Variants in ASIC2 observed in about 807,000 individuals in gnomAD.
The protein encoded by ASIC2 is acid sensing ion channel subunit 2.
Under a neutral mutation model 57.3 loss-of-function variants are expected in ASIC2, and 25 were observed. The ratio of observed to expected loss-of-function variants is 0.44; its 90% CI spans 0.32 to 0.61. ASIC2 has a LOEUF of 0.61. Ranked by LOEUF, ASIC2 falls within the 20% of genes least tolerant of loss-of-function variation. The pLI is 0.06. For missense variants in ASIC2, 641 were observed against 738.1 expected (o/e 0.87, Z 1.52); for synonymous variants, 319 against 307.5 (o/e 1.04, Z -0.39).
At chr17:33,822,932 G>A (rs317380) in intron 1 of ASIC2, among the ~76,000 whole-genome samples, 151,414 of 152,338 alleles carry the variant, frequency 0.99, 75,250 homozygotes, top group Middle Eastern at 1. Flanking sequence ...TAAGCATGAA[G>A]TAATGGCCAC....
At chr17:33,035,767 G>A (rs549115374) in intron 3 of ASIC2, among the ~76,000 whole-genome samples, 76 of 152,268 alleles carry the variant, frequency 5.0e-4, no homozygotes, top group African/African-American at 1.7e-3. Context: ...ATCCCCCTGG[G>A]CTTTTTAGAC....
chr17:33,696,033 G>A (rs1350555371), intron 1 of ASIC2, among the ~76,000 whole-genome samples: 1 of 152,154 alleles, frequency 6.6e-6, no homozygotes, highest in East Asian at 1.9e-4. Flanking sequence ...TATGAGTACA[G>A]CAGAATTTAT....
chr17:33,820,832 A>G (rs1912722350), intron 1 of ASIC2, among the ~76,000 whole-genome samples: 1 of 152,186 alleles, frequency 6.6e-6, no homozygotes, highest in African/African-American at 2.4e-5. Flanking sequence ...GCGTGTCATC[A>G]TGCCCGGCTC....
chr17:33,305,377 A>G (rs1183014740), intron 1 of ASIC2, among the ~76,000 whole-genome samples: 1 of 151,908 alleles, frequency 6.6e-6, no homozygotes, highest in East Asian at 1.9e-4. Flanking sequence ...GAGCCTACTT[A>G]CTCTTACTTT....
intron 1 of ASIC2, among the ~76,000 whole-genome samples, chr17:33,680,145 C>A (rs1041552213): frequency 1.1e-4 from 17 of 152,074 alleles, no homozygotes; most frequent in Admixed American, 5.9e-4. Flanking sequence ...ATGCAGGAGG[C>A]TTAAAGATTG....
intron 1 of ASIC2, among the ~76,000 whole-genome samples, chr17:34,068,636 G>A (rs894622950): frequency 6.6e-6 from 1 of 152,206 alleles, no homozygotes; most frequent in Admixed American, 6.5e-5. Flanking sequence ...CTGTCACTCA[G>A]CACTGAGGCC....
At chr17:33,436,268 G>C (rs1358412164) in intron 1 of ASIC2, among the ~76,000 whole-genome samples, 1 of 152,218 alleles carries the variant, frequency 6.6e-6, no homozygotes, top group Non-Finnish European at 1.5e-5. Flanking sequence ...ACAGGCTTAG[G>C]ATTCTGAATT....
intron 1 of ASIC2, among the ~76,000 whole-genome samples, chr17:33,491,919 C>T (rs79596800): frequency 0.016 from 2,500 of 152,272 alleles, 34 homozygotes; most frequent in South Asian, 0.028. Flanking sequence ...ATTTTCTCCT[C>T]GTGGCCCTAA....
Position 33,321,681 on chromosome 17 carries a change from TC to T in ASIC2, c.556-209615del. On this transcript the variant is annotated intron_variant, in intron 1 of 9. Coordinates refer to the ASIC2 transcript ENST00000359872. ...GATTAAAAACAGCTTTTTTTAGTCA[TC>T]AGAGGAAACAGGTTGTGATTACCCT... Among the ~76,000 whole-genome samples the T allele has an allele frequency of 1.3e-5, 2 of 152,210 alleles. 1 individual carries two copies. The highest frequency in any genetic ancestry group is 2.9e-5 in the Non-Finnish European group (2 of 68,028).
chr17:33,488,396 T>C lies in ASIC2; in HGVS notation c.556-376329A>G, dbSNP rs191333787. 1.2e-4 allele frequency among the ~76,000 whole-genome samples: 18 copies of C among 152,342 alleles called. No individual in the cohort carries two copies. In the East Asian group the frequency reaches 3.1e-3, roughly 26 times the overall value. On this transcript the variant is annotated intron_variant, in intron 1 of 9. Transcript: ENST00000359872. ...TACAAAAACATTTTTCAAATCACAC[T>C]GCATATCCTTTATTATTAGCATTCA... is the stretch of plus-strand genomic sequence containing the variant.
At chr17:33,473,518 G>A (rs979991409) in intron 1 of ASIC2, among the ~76,000 whole-genome samples, 5 of 152,090 alleles carry the variant, frequency 3.3e-5, no homozygotes, top group Admixed American at 1.3e-4. Flanking sequence ...AGTACCACGC[G>A]GGGCTTCTGG....
intron 1 of ASIC2, among the ~76,000 whole-genome samples, chr17:33,174,837 T>C (rs771745400): frequency 1.3e-5 from 2 of 152,148 alleles, no homozygotes; most frequent in African/African-American, 4.8e-5. Flanking sequence ...AGAAATGAGC[T>C]TGTGTTGTAT....
At chr17:34,152,308 A>C (rs1904557159) in intron 1 of ASIC2, among the ~76,000 whole-genome samples, 1 of 152,244 alleles carries the variant, frequency 6.6e-6, no homozygotes, top group Non-Finnish European at 1.5e-5. Flanking sequence ...TGTCATTTGT[A>C]TTTCTGTACT....
chr17:33,551,404 A>C (rs1915749271), intron 1 of ASIC2, among the ~76,000 whole-genome samples: 1 of 152,184 alleles, frequency 6.6e-6, no homozygotes, highest in African/African-American at 2.4e-5. Context: ...GGGCCAAGGC[A>C]GCACCTGTGG....
intron 1 of ASIC2, among the ~76,000 whole-genome samples, chr17:33,447,656 C>T (rs1858644613): frequency 6.6e-6 from 1 of 152,084 alleles, no homozygotes; most frequent in Non-Finnish European, 1.5e-5. Context: ...ATTACAGAAA[C>T]TGATTCTGGA....
intron 3 of ASIC2, among the ~76,000 whole-genome samples, chr17:33,029,485 T>C (rs1231113509): frequency 1.3e-5 from 2 of 152,270 alleles, no homozygotes; most frequent in Admixed American, 1.3e-4. Flanking sequence ...CTGAATAGTT[T>C]TCCAGCATTA....
At chr17:33,553,876 A>T (rs1250234929) in intron 1 of ASIC2, among the ~76,000 whole-genome samples, 3 of 152,238 alleles carry the variant, frequency 2.0e-5, no homozygotes, top group Non-Finnish European at 4.4e-5. Flanking sequence ...TGTATGAAGC[A>T]CTTTGTAAAG....
At chr17:34,060,792 A>G (rs1029133822) in intron 1 of ASIC2, among the ~76,000 whole-genome samples, 8 of 152,166 alleles carry the variant, frequency 5.3e-5, no homozygotes, top group African/African-American at 1.9e-4. Context: ...CATTTCAACA[A>G]AGACAAAGAG....
intron 1 of ASIC2, among the ~76,000 whole-genome samples, chr17:33,966,572 C>T (rs924738079): frequency 1.3e-5 from 2 of 152,226 alleles, no homozygotes; most frequent in Non-Finnish European, 2.9e-5. Flanking sequence ...AAGAGGATTA[C>T]ACTGTGTTGT....
Sources: gnomAD v4.1 joint callset for allele counts (sites outside exome capture counted in the v4.1 genomes callset) on GRCh38, gnomAD v4.1.1 for gene constraint, MANE v1.5 for transcripts, NCBI Gene and HGNC (gene_info 2026-07-23, HGNC 2026-07-21) for gene names.